NAV2: variants seen among roughly 807,000 people sequenced by gnomAD.
NAV2 encodes the protein neuron navigator 2.
A neutral mutation model predicts 223.2 loss-of-function variants in NAV2; 54 were observed. The ratio of observed to expected loss-of-function variants is 0.24; its 90% CI spans 0.19 to 0.30. NAV2 has a LOEUF of 0.30. NAV2 is among the 10% of genes least tolerant of loss of function. NAV2 has a pLI of 1.00. For synonymous variants in NAV2, 1,279 were observed against 1,239.3 expected (o/e 1.03, Z -0.67); for missense variants, 2,806 against 3,147.5 (o/e 0.89, Z 2.60).
chr11:20,027,406 A>T (rs1331100945), intron 11 of NAV2: 2 of 985,378 alleles, frequency 2.0e-6, no homozygotes, highest in African/African-American at 1.7e-5. Flanking sequence ...GGCGGGGGGC[A>T]TGGGCCAGCC....
At position 19,759,184 on chromosome 11, in the gene NAV2, G is replaced by A. The variant is rs934192884; in HGVS notation, c.267+45222G>A. Among the ~76,000 whole-genome samples the A allele has an allele frequency of 6.0e-5, 8 of 132,976 alleles. No homozygotes were observed. In the East Asian group the frequency reaches 1.7e-3, roughly 28 times the overall value. The allele number at this position is 132,976 out of a possible 152,430, so 87.2% of individuals were successfully genotyped here. A position where few individuals can be genotyped will look rare whatever the true frequency, so the allele number is the denominator to read the frequency against. Reference sequence around the variant, plus strand: ...TGCAAGCTCCGCCTCCCGGGTCCACGCCATTCTCCTGTCTCAGCCTCCCCA... The same window carrying A: ...TGCAAGCTCCGCCTCCCGGGTCCACACCATTCTCCTGTCTCAGCCTCCCCA... On this transcript the variant is annotated intron_variant, in intron 1 of 37. Transcript: ENST00000349880.
chr11:20,023,699 G>GGGGGGTGTGTGT (rs1554902313), intron 11 of NAV2, among the ~76,000 whole-genome samples: 2 of 144,572 alleles, frequency 1.4e-5, no homozygotes, highest in Non-Finnish European at 3.0e-5. Flanking sequence ...CAAATTGCTG[G>GGGGGGTGTGTGT]GTGTGTGTGT....
At chr11:19,584,999 A>G (rs1312394713) in intron 1 of NAV2, among the ~76,000 whole-genome samples, 1 of 151,850 alleles carries the variant, frequency 6.6e-6, no homozygotes. Context: ...TCCCATTATT[A>G]TTGTGTGGGA....
At chr11:19,654,005 C>A (rs1192717246) in intron 1 of NAV2, among the ~76,000 whole-genome samples, 1 of 152,078 alleles carries the variant, frequency 6.6e-6, no homozygotes, top group Non-Finnish European at 1.5e-5. Flanking sequence ...TCATCTCAGC[C>A]CAAAATCTCC....
rs569319256 is a variant in NAV2 at position 19,741,674 on chromosome 11, CAT to C, written c.267+27713_267+27714del. Among the ~76,000 whole-genome samples the C allele has an allele frequency of 4.0e-3, 513 of 129,176 alleles. 8 individuals are homozygous for C. The highest frequency in any genetic ancestry group is 0.015 in the African/African-American group (458 of 31,480). The allele number at this position is 129,176 out of a possible 152,430, so 84.7% of individuals were successfully genotyped here. A position where few individuals can be genotyped will look rare whatever the true frequency, so the allele number is the denominator to read the frequency against. On this transcript the variant is annotated intron_variant, in intron 1 of 37. Coordinates refer to ENST00000349880, the MANE Select transcript of NAV2 (RefSeq NM_145117.5). ...AATATTTCATTGTGTATGTATGTAT[CAT>C]GTGTGTGTGTGTATATATATATATA...
At chr11:19,356,540 T>C (rs1853628688) in intron 1 of NAV2, among the ~76,000 whole-genome samples, 1 of 152,128 alleles carries the variant, frequency 6.6e-6, no homozygotes, top group African/African-American at 2.4e-5. Context: ...AGCATCCTTC[T>C]GGTTTGGAGA....
intron 6 of NAV2, among the ~76,000 whole-genome samples, chr11:19,925,717 C>T (rs999496665): frequency 6.7e-6 from 1 of 149,580 alleles, no homozygotes; most frequent in African/African-American, 2.5e-5. Context: ...CACTACACTC[C>T]AGCCTGGGCA....
At chr11:19,806,732 C>T (rs1191532936) in intron 1 of NAV2, among the ~76,000 whole-genome samples, 1 of 152,194 alleles carries the variant, frequency 6.6e-6, no homozygotes, top group African/African-American at 2.4e-5. Flanking sequence ...TTAGAAAAAG[C>T]AATGCTAGAG....
chr11:19,737,755 T>A (rs1325133162), intron 1 of NAV2, among the ~76,000 whole-genome samples: 2 of 152,230 alleles, frequency 1.3e-5, no homozygotes, highest in Non-Finnish European at 2.9e-5. Flanking sequence ...GACATGCATA[T>A]CGTGCCCAGT....
At chr11:19,786,894 G>A (rs907272632) in intron 1 of NAV2, among the ~76,000 whole-genome samples, 4 of 152,146 alleles carry the variant, frequency 2.6e-5, no homozygotes, top group Non-Finnish European at 4.4e-5. Flanking sequence ...GGAGGTGGAC[G>A]GGGGTGGGTG....
chr11:19,946,106 A>G (rs999304063), intron 8 of NAV2, among the ~76,000 whole-genome samples: 1 of 152,188 alleles, frequency 6.6e-6, no homozygotes, highest in Non-Finnish European at 1.5e-5. Context: ...TCTGTTGGAG[A>G]CACTGTGGAA....
chr11:20,075,222 GTTT>G (rs759061256), intron 22 of NAV2, among the ~76,000 whole-genome samples: 2 of 111,036 alleles, frequency 1.8e-5, no homozygotes, highest in Non-Finnish European at 3.7e-5. Flanking sequence ...TTTTTGTTTT[GTTT>G]TTTTTTTTTT....
intron 37 of NAV2, among the ~76,000 whole-genome samples, chr11:20,115,283 G>A (rs866850737): frequency 6.6e-6 from 1 of 152,088 alleles, no homozygotes; most frequent in Non-Finnish European, 1.5e-5. Context: ...GATGAGCTAA[G>A]TCTTTCACAC....
upstream of NAV2, among the ~76,000 whole-genome samples, chr11:19,347,811 T>C (rs939917351): frequency 1.3e-5 from 2 of 152,194 alleles, no homozygotes; most frequent in African/African-American, 4.8e-5. Flanking sequence ...TCATTTTCAT[T>C]CAAGTGTATT....
chr11:19,791,579 A>C (rs1778037878), intron 1 of NAV2, among the ~76,000 whole-genome samples: 1 of 152,172 alleles, frequency 6.6e-6, no homozygotes, highest in Admixed American at 6.5e-5. Flanking sequence ...GGTGCTGCAG[A>C]GTTCTTCCCT....
intron 6 of NAV2, among the ~76,000 whole-genome samples, chr11:19,931,955 T>C (rs1029125203): frequency 9.9e-5 from 15 of 152,096 alleles, no homozygotes; most frequent in Non-Finnish European, 2.2e-4. Flanking sequence ...ACAGCTGTCC[T>C]TCCTTGAGAG....
chr11:20,107,469 G>A (rs2062238591), intron 35 of NAV2, 195 bp from the exon 36 acceptor site: 2 of 595,030 alleles, frequency 3.4e-6, no homozygotes, highest in East Asian at 5.5e-5. Flanking sequence ...AGACCCCCAG[G>A]TGGAATCAGG....
intron 10 of NAV2, among the ~76,000 whole-genome samples, chr11:19,975,519 G>C (rs2049640547): frequency 6.6e-6 from 1 of 152,124 alleles, no homozygotes; most frequent in African/African-American, 2.4e-5. Context: ...TATTAAACTT[G>C]TGGAAAGTCA....
chr11:19,644,611 A>G (rs895458926), intron 1 of NAV2, among the ~76,000 whole-genome samples: 10 of 152,246 alleles, frequency 6.6e-5, no homozygotes, highest in Admixed American at 6.5e-4. Context: ...GCAGAAGACC[A>G]GGCTCTTGCT....
Sources: allele counts gnomAD v4.1 joint callset (sites outside exome capture counted in the v4.1 genomes callset), GRCh38; gene constraint gnomAD v4.1.1; transcripts MANE v1.5; gene names NCBI Gene and HGNC (gene_info 2026-07-23, HGNC 2026-07-21).